Variants in MIS18A observed in about 807,000 individuals in gnomAD.
MIS18A encodes protein Mis18-alpha.
MIS18A carries 14 observed loss-of-function variants against 25.0 expected under a neutral mutation model. The ratio of observed to expected loss-of-function variants is 0.56; its 90% CI spans 0.37 to 0.88. The LOEUF (loss-of-function observed/expected upper bound fraction) is 0.88, where lower values mean the gene tolerates loss of function less well. Ranked by LOEUF, MIS18A falls within the 40% of genes least tolerant of loss-of-function variation. The pLI is 0.00. For synonymous variants in MIS18A, 134 were observed against 118.6 expected, an observed-to-expected ratio of 1.13 and a Z score of -0.84; for missense variants, 292 against 290.8, an observed-to-expected ratio of 1.00 and a Z score of -0.03.
chr21:32,191,737 C>T, the MIS18A span, among the ~76,000 whole-genome samples: 1 of 152,110 alleles, frequency 6.6e-6, no homozygotes, highest in African/African-American at 2.4e-5. Flanking sequence ...AACCCTGTCT[C>T]TACTACAAAT....
chr21:32,226,023 C>A, the MIS18A span, among the ~76,000 whole-genome samples: 1 of 86,226 alleles, frequency 1.2e-5, no homozygotes, highest in Non-Finnish European at 2.2e-5. Flanking sequence ...AGTAAACTAT[C>A]GCAAGAACAA....
At chr21:32,194,172 C>T in the MIS18A span, among the ~76,000 whole-genome samples, 1 of 152,098 alleles carries the variant, frequency 6.6e-6, no homozygotes, top group Admixed American at 6.5e-5. Flanking sequence ...TCCACGCAAG[C>T]CCTGAACCTG....
chr21:32,270,425 C>T lies in MIS18A; in HGVS notation c.506G>A (p.Ser169Asn), dbSNP rs745885672. 3.0e-5 allele frequency: 48 copies of T among 1,613,842 alleles called. No homozygotes were observed. The highest frequency in any genetic ancestry group is 3.9e-5 in the Non-Finnish European group (46 of 1,179,976). ...LDYKRDLFCL[S>N]VEAIESYVLG... is the part of the protein sequence containing the mutation. Reference sequence around the variant, plus strand: ...AACTTACCTTTCAATGGCTTCAACACTGAGGCAAAACAAGTCTCTCTTGTA... The same window carrying T: ...AACTTACCTTTCAATGGCTTCAACATTGAGGCAAAACAAGTCTCTCTTGTA... The change falls in exon 3 of 5, where the codon AGT becomes AAT. Residue 169 changes from serine to asparagine, a missense_variant. Ser to Asn is a conservative substitution (Grantham distance 46). Coordinates refer to ENST00000290130, the MANE Select transcript of MIS18A (RefSeq NM_018944.3).
At chr21:32,270,377 G>A in intron 3 of MIS18A, 30 bp downstream of exon 3, 1 of 1,612,072 alleles carries the variant, frequency 6.2e-7, no homozygotes, top group Non-Finnish European at 8.5e-7. Flanking sequence ...AACACCAGTT[G>A]TGAGGTAAAC....
the MIS18A span, among the ~76,000 whole-genome samples, chr21:32,155,325 G>T: frequency 6.6e-6 from 1 of 151,610 alleles, no homozygotes; most frequent in Non-Finnish European, 1.5e-5. Flanking sequence ...CTTACAAATT[G>T]TACATGCCCA....
chr21:32,156,840 A>G, the MIS18A span, among the ~76,000 whole-genome samples: 3 of 151,998 alleles, frequency 2.0e-5, no homozygotes, highest in Non-Finnish European at 2.9e-5. Context: ...CCCCAAATTG[A>G]CCATGACCCA....
chr21:32,196,177 A>G, the MIS18A span, among the ~76,000 whole-genome samples: 1 of 152,172 alleles, frequency 6.6e-6, no homozygotes, highest in Non-Finnish European at 1.5e-5. Flanking sequence ...CACTGAGTAA[A>G]GCAGATTGCC....
chr21:32,232,264 T>C, the MIS18A span, among the ~76,000 whole-genome samples: 3 of 151,952 alleles, frequency 2.0e-5, no homozygotes, highest in Non-Finnish European at 4.4e-5. Context: ...TATATAGATA[T>C]ATGTGCATAC....
intron 2 of MIS18A, 151 bp from the exon 3 acceptor site, chr21:32,270,680 T>C (rs2031698235): frequency 1.4e-6 from 1 of 739,480 alleles, no homozygotes; most frequent in African/African-American, 1.8e-5. Context: ...AAAATGATAG[T>C]AAGATATTTA....
At chr21:32,199,992 C>A in the MIS18A span, among the ~76,000 whole-genome samples, 1 of 152,128 alleles carries the variant, frequency 6.6e-6, no homozygotes, top group African/African-American at 2.4e-5. Flanking sequence ...TGCAGCAAGG[C>A]GGGAATAGGG....
At chr21:32,264,217 A>G (rs1438993772), downstream of MIS18A, among the ~76,000 whole-genome samples, 1 of 152,182 alleles carries the variant, frequency 6.6e-6, no homozygotes, top group Non-Finnish European at 1.5e-5. Flanking sequence ...TTTGCATATA[A>G]AAATGACTAG....
the MIS18A span, among the ~76,000 whole-genome samples, chr21:32,262,125 TCA>T: frequency 9.1e-4 from 139 of 152,352 alleles, 1 homozygote; most frequent in Middle Eastern, 0.01. Flanking sequence ...TCTCTGAGCC[TCA>T]GTTTCTGCAT....
the MIS18A span, among the ~76,000 whole-genome samples, chr21:32,193,462 T>A: frequency 6.7e-6 from 1 of 150,202 alleles, no homozygotes; most frequent in Admixed American, 6.7e-5. Flanking sequence ...ATATAATAGG[T>A]TGATGATAGA....
chr21:32,237,640 G>T, the MIS18A span, among the ~76,000 whole-genome samples: 1 of 152,266 alleles, frequency 6.6e-6, no homozygotes, highest in Non-Finnish European at 1.5e-5. Context: ...CAACTCTAAT[G>T]AGTCCTTTTA....
At chr21:32,258,683 A>G in the MIS18A span, among the ~76,000 whole-genome samples, 1 of 152,184 alleles carries the variant, frequency 6.6e-6, no homozygotes, top group African/African-American at 2.4e-5. Context: ...GCACCAACAT[A>G]TAAAAGAACC....
chr21:32,244,288 G>A, the MIS18A span, among the ~76,000 whole-genome samples: 43 of 152,190 alleles, frequency 2.8e-4, no homozygotes, highest in East Asian at 1.2e-3. Context: ...AAGGGCACAC[G>A]GGAATTTTTT....
chr21:32,191,520 A>C, the MIS18A span, among the ~76,000 whole-genome samples: 1 of 152,184 alleles, frequency 6.6e-6, no homozygotes, highest in East Asian at 1.9e-4. Context: ...TGAGCCCGGG[A>C]GTTCAAGGCT....
intron 1 of MIS18A, among the ~76,000 whole-genome samples, chr21:32,275,319 C>T (rs904513997): frequency 2.0e-5 from 3 of 152,198 alleles, no homozygotes; most frequent in Admixed American, 6.5e-5. Context: ...GGGGAAAATT[C>T]ATTCCACAGT....
the MIS18A span, among the ~76,000 whole-genome samples, chr21:32,183,682 C>T: frequency 6.6e-6 from 1 of 152,318 alleles, no homozygotes; most frequent in Non-Finnish European, 1.5e-5. Flanking sequence ...GCTGCTGACA[C>T]ACCTTGTTTC....
Sources: gnomAD v4.1 joint callset for allele counts (sites outside exome capture counted in the v4.1 genomes callset) on GRCh38, gnomAD v4.1.1 for gene constraint, MANE v1.5 for transcripts, NCBI Gene and HGNC (gene_info 2026-07-23, HGNC 2026-07-21) for gene names.